CPSF2: variants seen among roughly 807,000 people sequenced by gnomAD.
The protein encoded by CPSF2 is cleavage and polyadenylation specificity factor subunit 2.
CPSF2 carries 51 observed loss-of-function variants against 84.2 expected under a neutral mutation model. The ratio of observed to expected loss-of-function variants is 0.61; its 90% CI spans 0.48 to 0.77. The LOEUF is 0.77. CPSF2 is among the 30% of genes least tolerant of loss of function. The probability of loss-of-function intolerance (pLI) is 0.00; values close to 1 mark genes in which losing one functional copy is unlikely to be tolerated. For missense variants in CPSF2, 641 were observed against 929.4 expected (o/e 0.69, Z 4.03); for synonymous variants, 286 against 311.9 (o/e 0.92, Z 0.87).
intron 14 of CPSF2, 69 bp downstream of exon 14, chr14:92,159,351 GT>G (rs371556872): frequency 7.7e-5 from 102 of 1,331,462 alleles, no homozygotes; most frequent in African/African-American, 4.6e-4. Flanking sequence ...ATGTCTTTTG[GT>G]TTTTTTCCCC....
chr14:92,149,305 T>A (rs1383662908), intron 9 of CPSF2, among the ~76,000 whole-genome samples: 1 of 152,178 alleles, frequency 6.6e-6, no homozygotes, highest in Non-Finnish European at 1.5e-5. Flanking sequence ...CTTGAGAGGC[T>A]GGGCGTCATG....
rs1261178826 is a variant in CPSF2 at position 92,166,197 on chromosome 14, A to G, written c.*4453A>G. 1 of 151,672 alleles carries G rather than the reference A, an allele frequency of 6.6e-6. No individual in the cohort carries two copies. Among genetic ancestry groups the G allele is most frequent in the Non-Finnish European group, 1.5e-5 (1 of 67,936 alleles). The allele number at this position is 151,672 out of a possible 1,614,324, so 9.4% of individuals were successfully genotyped here. The stretch of plus-strand genomic sequence containing the variant: ...ATCTTAAAAGCTATTCCTTCATTCA[A>G]AGTCACGAAGGTTTACACTTAATTT... On this transcript the variant is annotated 3_prime_UTR_variant, in exon 16 of 16. Transcript: ENST00000298875.
intron 1 of CPSF2, among the ~76,000 whole-genome samples, chr14:92,125,202 G>A (rs1243814045): frequency 6.6e-6 from 1 of 152,154 alleles, no homozygotes; most frequent in Non-Finnish European, 1.5e-5. Context: ...CCAAACATAA[G>A]GTAGTGAGGC....
rs1363009954 is a variant in CPSF2, at chr14:92,157,964, G to A, written c.1821+80G>A. 4 of 946,878 alleles carry A rather than the reference G, an allele frequency of 4.2e-6. No homozygotes were observed. The highest frequency in any genetic ancestry group is 1.4e-5 in the South Asian group (1 of 71,420). 58.7% of individuals were successfully genotyped at this position (946,878 alleles called of 1,614,324 possible). A position where few individuals can be genotyped will look rare whatever the true frequency, so the allele number is the denominator to read the frequency against. ...TAGGACAGATAACATTAGAAATACC[G>A]AGATGTGTGAGACAGACATGGATGG... On this transcript the variant is annotated intron_variant, in intron 13 of 15. Transcript: ENST00000298875. The surrounding 1 kb of genome is among the most constrained non-coding windows in gnomAD (Gnocchi z 4.0).
intron 2 of CPSF2, among the ~76,000 whole-genome samples, chr14:92,128,958 C>T (rs1231711627): frequency 6.6e-6 from 1 of 152,072 alleles, no homozygotes; most frequent in Non-Finnish European, 1.5e-5. Context: ...TGTAAAAGTC[C>T]TCAGTGAATG....
intron 3 of CPSF2, among the ~76,000 whole-genome samples, chr14:92,132,410 C>T (rs1162162691): frequency 6.6e-6 from 1 of 151,052 alleles, no homozygotes; most frequent in Non-Finnish European, 1.5e-5. Flanking sequence ...GCTGGGATTA[C>T]AGGCCTGAAC....
At chr14:92,132,880 C>T (rs1225323332) in intron 3 of CPSF2, among the ~76,000 whole-genome samples, 2 of 151,656 alleles carry the variant, frequency 1.3e-5, no homozygotes, top group Admixed American at 1.3e-4. Context: ...CACCTGAGGT[C>T]AGGAGTTTAA....
intron 9 of CPSF2, among the ~76,000 whole-genome samples, chr14:92,152,842 G>T (rs762010662): frequency 3.3e-5 from 5 of 152,030 alleles, no homozygotes; most frequent in Non-Finnish European, 7.4e-5. Context: ...AAAACAAAAA[G>T]CTCTTTGGGG....
chr14:92,131,237 A>G, intron 3 of CPSF2, 104 bp downstream of exon 3: 1 of 859,884 alleles, frequency 1.2e-6, no homozygotes, highest in Non-Finnish European at 1.7e-6. Context: ...ACACTAGTTT[A>G]TAGCAAAAGG....
intron 3 of CPSF2, among the ~76,000 whole-genome samples, chr14:92,132,542 C>A (rs994053886): frequency 1.3e-4 from 20 of 149,646 alleles, no homozygotes; most frequent in Non-Finnish European, 2.2e-4. Context: ...GAGGCCGAGG[C>A]GGGCAGATCA....
At position 92,165,942 on chromosome 14, in the gene CPSF2, A is replaced by ACCTCTG. The variant is rs2141490755; in HGVS notation, c.*4203_*4208dup. 1 of 137,742 alleles carries ACCTCTG rather than the reference A, an allele frequency of 7.3e-6. No individual in the cohort carries two copies. The highest frequency in any genetic ancestry group is 8.1e-5 in the Admixed American group (1 of 12,408). The allele number at this position is 137,742 out of a possible 1,614,324, so 8.5% of individuals were successfully genotyped here. ...AGTGGCGCGGTCTCAGCTCACTGCA[A>ACCTCTG]CCTCTGCCTCCCAGATTAAAGGGAT... On this transcript the variant is annotated 3_prime_UTR_variant, in exon 16 of 16. Transcript: ENST00000298875.
intron 9 of CPSF2, among the ~76,000 whole-genome samples, chr14:92,149,083 T>C (rs1323114018): frequency 2.6e-5 from 4 of 152,194 alleles, no homozygotes; most frequent in Admixed American, 2.0e-4. Context: ...TGAGACCCTT[T>C]CAGGGAGTCC....
At chr14:92,135,088 G>A (rs772495827) in intron 5 of CPSF2, among the ~76,000 whole-genome samples, 2 of 152,154 alleles carry the variant, frequency 1.3e-5, no homozygotes, top group African/African-American at 2.4e-5. Context: ...ATTTAATAGT[G>A]TACTAGCTTT....
At chr14:92,145,858 A>G (rs2069136459) in intron 9 of CPSF2, among the ~76,000 whole-genome samples, 1 of 152,210 alleles carries the variant, frequency 6.6e-6, no homozygotes, top group South Asian at 2.1e-4. Flanking sequence ...ACTAATGCTG[A>G]TGCTCAGGGA....
At chr14:92,144,806 A>G (rs143764710) in intron 9 of CPSF2, among the ~76,000 whole-genome samples, 221 of 152,278 alleles carry the variant, frequency 1.5e-3, no homozygotes, top group South Asian at 3.3e-3. Context: ...AGGTAATTGT[A>G]TATCTTCTTT....
At position 92,164,960 on chromosome 14, in the gene CPSF2, C is replaced by CATTA. The variant is rs2069424138; in HGVS notation, c.*3219_*3222dup. On this transcript the variant is annotated 3_prime_UTR_variant, in exon 16 of 16. Transcript: ENST00000298875. ...CCCCCTTCCTATGACCCCTGGCAGCCATTAATCTACTTTCTGTCTCCTTGA... is the reference window on the plus strand; with the variant it reads ...CCCCCTTCCTATGACCCCTGGCAGCCATTAATTAATCTACTTTCTGTCTCCTTGA... The CATTA allele has an allele frequency of 6.6e-6, 1 of 152,202 alleles. No homozygotes were observed. Among genetic ancestry groups the CATTA allele is most frequent in the Non-Finnish European group, 1.5e-5 (1 of 68,038 alleles). The allele number at this position is 152,202 out of a possible 1,614,324, so 9.4% of individuals were successfully genotyped here.
In CPSF2 at chr14:92,156,794, CATG is replaced by C. The variant is rs567880723; in HGVS notation, c.1595+166_1595+168del. Among the ~76,000 whole-genome samples, 4 of 152,192 alleles carry C rather than the reference CATG, an allele frequency of 2.6e-5. No homozygotes were observed. In the South Asian group the frequency reaches 6.2e-4, roughly 24 times the overall value. On this transcript the variant is annotated intron_variant, in intron 12 of 15. Transcript: ENST00000298875. ...TGAAGAGACTTGTGAAGTATGGTGG[CATG>C]ATATTTTCTCTTCATTAATGGTATT...
At chr14:92,133,893 A>C (rs531706896) in intron 3 of CPSF2, 118 bp from the exon 4 acceptor site, 1 of 926,468 alleles carries the variant, frequency 1.1e-6, no homozygotes, top group South Asian at 1.6e-5. Context: ...TTTAGCTCTT[A>C]GTTTTGCTCT....
At chr14:92,138,209 C>A (rs756589457) in intron 6 of CPSF2, 23 bp from the exon 7 acceptor site, 2 of 1,209,048 alleles carry the variant, frequency 1.7e-6, no homozygotes, top group Admixed American at 4.2e-5. Flanking sequence ...ATAAAATATT[C>A]CTCTTCTTAA....
Sources: gnomAD v4.1 joint callset for allele counts (sites outside exome capture counted in the v4.1 genomes callset) on GRCh38, gnomAD v4.1.1 for gene constraint, Gnocchi (gnomAD v3.1) non-coding constraint, MANE v1.5 for transcripts, NCBI Gene and HGNC (gene_info 2026-07-23, HGNC 2026-07-21) for gene names.